The following TIAM1 variants were observed in gnomAD, a reference collection of about 807,000 sequenced individuals.
The protein encoded by TIAM1 is TIAM Rac1 associated GEF 1.
A neutral mutation model predicts 163.5 loss-of-function variants in TIAM1; 65 were observed. The observed-to-expected ratio is 0.40, with a 90% CI of 0.33 to 0.49. The LOEUF is 0.49. TIAM1 is among the 20% of genes least tolerant of loss of function. The pLI, the probability that TIAM1 is intolerant of heterozygous loss-of-function variation, is 0.77. For synonymous variants in TIAM1, 833 were observed against 810.1 expected, an observed-to-expected ratio of 1.03 and a Z score of -0.48; for missense variants, 1,789 against 2,044.7, an observed-to-expected ratio of 0.87 and a Z score of 2.41.
chr21:31,304,704 C>T (rs1193190590), intron 2 of TIAM1, among the ~76,000 whole-genome samples: 3 of 152,064 alleles, frequency 2.0e-5, no homozygotes, highest in African/African-American at 2.4e-5. Flanking sequence ...TTTTTGAGAC[C>T]GAGTCTCACT....
intron 1 of TIAM1, among the ~76,000 whole-genome samples, chr21:31,522,847 T>C (rs547445121): frequency 1.5e-4 from 23 of 152,364 alleles, no homozygotes; most frequent in African/African-American, 5.3e-4. Context: ...AACATTTTTT[T>C]CTCATATCTA....
At chr21:31,189,001 TG>T (rs1353356164) in intron 13 of TIAM1, among the ~76,000 whole-genome samples, 24 of 147,342 alleles carry the variant, frequency 1.6e-4, no homozygotes, top group African/African-American at 5.7e-4. Context: ...GCCAATTAGA[TG>T]GAGACATGGA....
At chr21:31,181,215 A>C (rs1338850064) in intron 15 of TIAM1, among the ~76,000 whole-genome samples, 6 of 152,218 alleles carry the variant, frequency 3.9e-5, no homozygotes, top group Admixed American at 6.5e-5. Flanking sequence ...TTGCTGAACA[A>C]GAAAGGGCCA....
chr21:31,265,190 A>G (rs1601755668), intron 4 of TIAM1, among the ~76,000 whole-genome samples: 1 of 144,170 alleles, frequency 6.9e-6, no homozygotes, highest in South Asian at 2.2e-4. Context: ...CTAGGAAAAC[A>G]CTTTCAAAAT....
rs904487164 is a variant in TIAM1 at position 31,551,367 on chromosome 21, G to A, written c.-422+7560C>T. Among the ~76,000 whole-genome samples, 4 of 152,042 alleles carry A rather than the reference G, an allele frequency of 2.6e-5. No homozygotes were observed. In the East Asian group the frequency reaches 7.7e-4, roughly 29 times the overall value. On this transcript the variant is annotated intron_variant, in intron 1 of 28. Coordinates refer to the TIAM1 transcript ENST00000286827. ...AGAGATTGCACCAAGCCGCGATCATGCCATTGCACTCCAGCCTGGGGAACA... is the reference window on the plus strand; with the variant it reads ...AGAGATTGCACCAAGCCGCGATCATACCATTGCACTCCAGCCTGGGGAACA...
intron 18 of TIAM1, 72 bp from the exon 19 acceptor site, chr21:31,152,833 C>A: frequency 6.5e-7 from 1 of 1,547,160 alleles, no homozygotes; most frequent in South Asian, 1.3e-5. Context: ...TATCTGATTA[C>A]AAGGTTTTTC....
At chr21:31,225,122 C>T (rs1056389685) in intron 7 of TIAM1, among the ~76,000 whole-genome samples, 2 of 152,012 alleles carry the variant, frequency 1.3e-5, no homozygotes, top group African/African-American at 4.8e-5. Context: ...CAGGCTCAGG[C>T]GATCCTCTCC....
chr21:31,345,838 T>C (rs1278311066), upstream of TIAM1, among the ~76,000 whole-genome samples: 1 of 152,080 alleles, frequency 6.6e-6, no homozygotes, highest in African/African-American at 2.4e-5. Context: ...TAATTCCAGC[T>C]ACTCAGGAGG....
intron 2 of TIAM1, among the ~76,000 whole-genome samples, chr21:31,292,006 C>G (rs992708292): frequency 1.3e-5 from 2 of 152,144 alleles, no homozygotes; most frequent in African/African-American, 2.4e-5. Context: ...ACCTTTCACC[C>G]TTATGAGGGC....
At chr21:31,311,538 A>G (rs2074930352) in intron 2 of TIAM1, among the ~76,000 whole-genome samples, 1 of 152,180 alleles carries the variant, frequency 6.6e-6, no homozygotes, top group African/African-American at 2.4e-5. Context: ...CATTTCTGCC[A>G]CATTGGAATG....
At chr21:31,145,347 A>G (rs1174212568) in intron 20 of TIAM1, among the ~76,000 whole-genome samples, 2 of 152,222 alleles carry the variant, frequency 1.3e-5, no homozygotes, top group African/African-American at 4.8e-5. Flanking sequence ...CTTTGGCAGC[A>G]AACATAAACA....
At chr21:31,126,324 T>G (rs1028383470) in intron 26 of TIAM1, among the ~76,000 whole-genome samples, 4 of 152,108 alleles carry the variant, frequency 2.6e-5, no homozygotes, top group African/African-American at 9.7e-5. Flanking sequence ...ATCCAAGCAC[T>G]GTGGCAGGCC....
intron 2 of TIAM1, among the ~76,000 whole-genome samples, chr21:31,461,214 T>G (rs2045313139): frequency 6.6e-6 from 1 of 152,174 alleles, no homozygotes; most frequent in African/African-American, 2.4e-5. Flanking sequence ...CCAGGTGCAG[T>G]GGCTCATACC....
intron 6 of TIAM1, among the ~76,000 whole-genome samples, chr21:31,228,253 A>AGGAG (rs2088173552): frequency 6.5e-5 from 5 of 77,332 alleles, no homozygotes; most frequent in Non-Finnish European, 9.2e-5. Flanking sequence ...AAAAAAAAAA[A>AGGAG]AAAAAAGGAA....
chr21:31,455,374 C>A (rs541384768), intron 2 of TIAM1, among the ~76,000 whole-genome samples: 10 of 151,280 alleles, frequency 6.6e-5, no homozygotes, highest in African/African-American at 2.4e-4. Context: ...CTCCTCTCAG[C>A]CAGATGAGTG....
intron 1 of TIAM1, among the ~76,000 whole-genome samples, chr21:31,494,358 A>G (rs1304670764): frequency 6.6e-6 from 1 of 152,198 alleles, no homozygotes; most frequent in African/African-American, 2.4e-5. Flanking sequence ...AGATCAAGAC[A>G]AACCCTCCCT....
At chr21:31,218,758 C>T (rs982100762) in intron 8 of TIAM1, among the ~76,000 whole-genome samples, 3 of 152,030 alleles carry the variant, frequency 2.0e-5, no homozygotes, top group Non-Finnish European at 2.9e-5. Flanking sequence ...TTATTCTTTC[C>T]GCTATCCTAT....
At chr21:31,173,580 T>C (rs1601411601) in intron 15 of TIAM1, among the ~76,000 whole-genome samples, 1 of 152,102 alleles carries the variant, frequency 6.6e-6, no homozygotes, top group African/African-American at 2.4e-5. Context: ...GAAAGGAATG[T>C]TACAATTTGA....
At chr21:31,210,592 A>AAGAAAGAAAGAGAG (rs1162520566) in intron 10 of TIAM1, among the ~76,000 whole-genome samples, 10 of 88,742 alleles carry the variant, frequency 1.1e-4, no homozygotes, top group Admixed American at 9.2e-4. Context: ...GAAAGAAAGA[A>AAGAAAGAAAGAGAG]AGAGAGAAAG....
Sources: allele counts gnomAD v4.1 joint callset (sites outside exome capture counted in the v4.1 genomes callset), GRCh38; gene constraint gnomAD v4.1.1; transcripts MANE v1.5; gene names NCBI Gene and HGNC (gene_info 2026-07-23, HGNC 2026-07-21).